Variants in RBFOX1 observed in about 807,000 individuals in gnomAD.
RBFOX1 encodes the protein RNA binding fox-1 homolog 1.
In RBFOX1, 8 loss-of-function variants were observed where a neutral mutation model predicts 57.7. That is an observed-to-expected ratio of 0.14 (90% CI 0.08 to 0.25). RBFOX1 has a LOEUF of 0.25. Ranked by LOEUF, RBFOX1 falls within the 10% of genes least tolerant of loss-of-function variation. The pLI is 1.00. For synonymous variants in RBFOX1, 326 were observed against 222.4 expected, an observed-to-expected ratio of 1.47 and a Z score of -4.15; for missense variants, 611 against 548.5, an observed-to-expected ratio of 1.11 and a Z score of -1.14.
chr16:6,535,338 C>T (rs879287081), intron 2 of RBFOX1, among the ~76,000 whole-genome samples: 1 of 152,140 alleles, frequency 6.6e-6, no homozygotes, highest in African/African-American at 2.4e-5. Flanking sequence ...TTTGAAGCTC[C>T]TCTGGGTATG....
At chr16:6,760,494 A>C (rs1365878691) in intron 3 of RBFOX1, among the ~76,000 whole-genome samples, 1 of 152,256 alleles carries the variant, frequency 6.6e-6, no homozygotes, top group African/African-American at 2.4e-5. Context: ...GGATACCAGC[A>C]ATCACAGCGG....
chr16:7,379,796 C>CCCTGCCTG (rs1388008804), intron 4 of RBFOX1, among the ~76,000 whole-genome samples: 1 of 150,122 alleles, frequency 6.7e-6, no homozygotes, highest in Non-Finnish European at 1.5e-5. Context: ...CTGCCTGCCT[C>CCCTGCCTG]CCTGCCTGCC....
At chr16:5,824,181 T>A (rs1268993556) in intron 3 of RBFOX1, among the ~76,000 whole-genome samples, 1 of 152,204 alleles carries the variant, frequency 6.6e-6, no homozygotes, top group Non-Finnish European at 1.5e-5. Context: ...AATGATTAAA[T>A]TAATTTTCTC....
At chr16:5,280,738 C>G (rs989031161) in intron 1 of RBFOX1, among the ~76,000 whole-genome samples, 23 of 151,866 alleles carry the variant, frequency 1.5e-4, no homozygotes, top group Non-Finnish European at 2.5e-4. Flanking sequence ...TCATAATAGC[C>G]TCTAATGATC....
At chr16:6,399,664 A>T (rs931173579) in intron 2 of RBFOX1, among the ~76,000 whole-genome samples, 13 of 152,126 alleles carry the variant, frequency 8.5e-5, no homozygotes, top group Admixed American at 2.0e-4. Context: ...TCACTTCCAC[A>T]TTTTTGGGTA....
chr16:6,006,916 C>A (rs1257988026), intron 4 of RBFOX1, among the ~76,000 whole-genome samples: 1 of 152,178 alleles, frequency 6.6e-6, no homozygotes, highest in East Asian at 1.9e-4. Context: ...GCCTTCTCTC[C>A]CCATATTTTT....
chr16:5,485,222 T>C (rs2069685363), intron 2 of RBFOX1, among the ~76,000 whole-genome samples: 2 of 151,704 alleles, frequency 1.3e-5, no homozygotes, highest in South Asian at 4.2e-4. Context: ...GGCAGGTGTC[T>C]ATAGTCCCAG....
chr16:7,486,258 C>T (rs1599689780), intron 4 of RBFOX1, among the ~76,000 whole-genome samples: 1 of 150,770 alleles, frequency 6.6e-6, no homozygotes, highest in South Asian at 2.1e-4. Flanking sequence ...GAGTAGCTGG[C>T]ATTACAGTCC....
intron 4 of RBFOX1, among the ~76,000 whole-genome samples, chr16:7,423,494 G>A (rs953129430): frequency 1.3e-5 from 2 of 152,044 alleles, no homozygotes; most frequent in Admixed American, 1.3e-4. Context: ...GAAGGCTTTG[G>A]GGTAGCTTGT....
In RBFOX1 at chr16:7,292,301, TG is replaced by T. The variant is rs745462030; in HGVS notation, c.28-225845del. On this transcript the variant is annotated intron_variant, in intron 4 of 15. Transcript: ENST00000550418. ...TATATCATATATCATATATGATATA[TG>T]ATATATGACGTATTATATATCATAT... Among the ~76,000 whole-genome samples, 784 of 128,602 alleles carry T rather than the reference TG, an allele frequency of 6.1e-3. 24 individuals are homozygous for T. The highest frequency in any genetic ancestry group is 0.054 in the Middle Eastern group (10 of 186). The allele number at this position is 128,602 out of a possible 152,430, so 84.4% of individuals were successfully genotyped here.
At chr16:6,086,334 G>A (rs2096083440) in intron 1 of RBFOX1, among the ~76,000 whole-genome samples, 2 of 152,118 alleles carry the variant, frequency 1.3e-5, no homozygotes, top group South Asian at 4.2e-4. Flanking sequence ...CCAGCCCCGT[G>A]CATTCCATCT....
chr16:6,551,748 G>A (rs2096993087), intron 2 of RBFOX1, among the ~76,000 whole-genome samples: 1 of 152,146 alleles, frequency 6.6e-6, no homozygotes, highest in Non-Finnish European at 1.5e-5. Context: ...TAATAAGGCA[G>A]CAGTTGTGGA....
At chr16:6,105,952 T>C (rs2096373103) in intron 1 of RBFOX1, among the ~76,000 whole-genome samples, 1 of 152,158 alleles carries the variant, frequency 6.6e-6, no homozygotes, top group East Asian at 1.9e-4. Flanking sequence ...GGATACACCA[T>C]CCCACTTGCC....
intron 4 of RBFOX1, among the ~76,000 whole-genome samples, chr16:7,209,556 A>G (rs958001698): frequency 2.0e-5 from 3 of 152,090 alleles, no homozygotes; most frequent in African/African-American, 7.2e-5. Context: ...TGCAAACATT[A>G]CCTCCTCAAA....
intron 2 of RBFOX1, among the ~76,000 whole-genome samples, chr16:6,319,120 C>T (rs904775785): frequency 2.0e-5 from 3 of 152,082 alleles, no homozygotes; most frequent in African/African-American, 7.2e-5. Flanking sequence ...TGAGAAATTG[C>T]TCCAGTCTCT....
intron 10 of RBFOX1, among the ~76,000 whole-genome samples, chr16:7,625,233 G>A (rs1345496576): frequency 6.6e-6 from 1 of 152,082 alleles, no homozygotes; most frequent in Non-Finnish European, 1.5e-5. Context: ...GGGCACAGGT[G>A]GTGACAAGGA....
intron 14 of RBFOX1, among the ~76,000 whole-genome samples, chr16:7,684,196 C>A (rs1250675832): frequency 6.6e-6 from 1 of 152,190 alleles, no homozygotes; most frequent in East Asian, 1.9e-4. Flanking sequence ...TGCATGTAAG[C>A]AGTCACCAGA....
At chr16:6,112,809 G>C (rs866235126) in intron 1 of RBFOX1, among the ~76,000 whole-genome samples, 1 of 152,216 alleles carries the variant, frequency 6.6e-6, no homozygotes, top group African/African-American at 2.4e-5. Context: ...GGCATTTGGA[G>C]GATTTTGTAT....
At chr16:7,560,146 G>T (rs1016765354) in intron 5 of RBFOX1, among the ~76,000 whole-genome samples, 1 of 152,200 alleles carries the variant, frequency 6.6e-6, no homozygotes, top group Non-Finnish European at 1.5e-5. Flanking sequence ...AGACCAGTGC[G>T]ATTCATGTAA....
Sources: allele counts gnomAD v4.1 joint callset (sites outside exome capture counted in the v4.1 genomes callset), GRCh38; gene constraint gnomAD v4.1.1; transcripts MANE v1.5; gene names NCBI Gene and HGNC (gene_info 2026-07-23, HGNC 2026-07-21).